The following PPP4R4 variants were observed in gnomAD, a reference collection of about 807,000 sequenced individuals.
The protein encoded by PPP4R4 is protein phosphatase 4 regulatory subunit 4.
A neutral mutation model predicts 121.8 loss-of-function variants in PPP4R4; 70 were observed. The observed-to-expected ratio is 0.57, with a 90% confidence interval of 0.47 to 0.70. The LOEUF is 0.70. Among genes scored for constraint, PPP4R4 ranks in the 30% least tolerant of loss-of-function variants. The pLI is 0.00. For missense variants in PPP4R4, 875 were observed against 1,033.6 expected, an observed-to-expected ratio of 0.85 and a Z score of 2.10; for synonymous variants, 348 against 355.7, an observed-to-expected ratio of 0.98 and a Z score of 0.24.
At chr14:94,248,930 T>C (rs1893036397) in intron 14 of PPP4R4, among the ~76,000 whole-genome samples, 1 of 151,948 alleles carries the variant, frequency 6.6e-6, no homozygotes, top group Non-Finnish European at 1.5e-5. Context: ...TAATGTTGAC[T>C]CTCTTTTAGA....
At chr14:94,218,024 A>C (rs1404795738) in intron 3 of PPP4R4, among the ~76,000 whole-genome samples, 1 of 152,218 alleles carries the variant, frequency 6.6e-6, no homozygotes, top group Non-Finnish European at 1.5e-5. Flanking sequence ...GAAATAAAAA[A>C]GATGATATCT....
intron 3 of PPP4R4, among the ~76,000 whole-genome samples, chr14:94,225,655 G>C (rs1167415212): frequency 2.0e-5 from 3 of 152,134 alleles, no homozygotes; most frequent in African/African-American, 7.2e-5. Flanking sequence ...TTGAGCATTT[G>C]AGTGAGTGTA....
At chr14:94,183,273 C>T (rs773117902) in intron 2 of PPP4R4, among the ~76,000 whole-genome samples, 8 of 152,134 alleles carry the variant, frequency 5.3e-5, no homozygotes, top group Admixed American at 2.6e-4. Flanking sequence ...AAATTGCCCA[C>T]GTTGTCATCC....
At chr14:94,244,455 A>G (rs528308843) in intron 11 of PPP4R4, among the ~76,000 whole-genome samples, 180 bp from the exon 12 acceptor site, 1 of 152,344 alleles carries the variant, frequency 6.6e-6, no homozygotes, top group East Asian at 1.9e-4. Flanking sequence ...GTCACGAGGC[A>G]GACTAGAAAG....
intron 2 of PPP4R4, among the ~76,000 whole-genome samples, chr14:94,202,812 A>C (rs1890259382): frequency 6.6e-6 from 1 of 151,812 alleles, no homozygotes; most frequent in Admixed American, 6.6e-5. Context: ...CCCTGTCTCT[A>C]CTAAAAAATA....
At chr14:94,217,657 G>C (rs1465465736) in intron 3 of PPP4R4, among the ~76,000 whole-genome samples, 2 of 152,176 alleles carry the variant, frequency 1.3e-5, no homozygotes, top group East Asian at 3.8e-4. Flanking sequence ...TGGATGTATA[G>C]GGCATTTCAA....
rs1458641259 is a variant in PPP4R4, at chr14:94,279,001, T to C, written c.*358T>C. 1 of 158,182 alleles carries C rather than the reference T, an allele frequency of 6.3e-6. No individual in the cohort carries two copies. The highest frequency in any genetic ancestry group is 1.4e-5 in the Non-Finnish European group (1 of 72,198). 9.8% of individuals were successfully genotyped at this position (158,182 alleles called of 1,614,324 possible). ...ACCAGCCATTTAATTGTTCTAGAGT[T>C]TTAGCATTTAAAAATCGTATGAAAG... On this transcript the variant is annotated 3_prime_UTR_variant, in exon 25 of 25. Transcript: ENST00000304338.
At position 94,176,499 on chromosome 14, in the gene PPP4R4, G is replaced by C. The variant is rs530295437; in HGVS notation, c.191+372G>C. 5.9e-5 allele frequency among the ~76,000 whole-genome samples: 9 copies of C among 152,142 alleles called. No homozygotes were observed. In the South Asian group the frequency reaches 1.9e-3, roughly 32 times the overall value. On this transcript the variant is annotated intron_variant, in intron 2 of 24. Transcript: ENST00000304338. ...TCATTGTAGAGTAGGAACATTATAC[G>C]GGATCTACTATACGGAAAAAAATCC... is the stretch of plus-strand genomic sequence containing the variant.
At position 94,174,504 on chromosome 14, in the gene PPP4R4, T is replaced by G. The variant is rs759776736; in HGVS notation, c.39T>G (p.Ser13Arg). ...CGCCCGCCGCCGCGATGGATTTCAG[T>G]CAGAACAGCCTGTTCGGTTACATGG... ...PPPPAAAMDFSQNSLFGYMED... is the reference protein window; with the variant it reads ...PPPPAAAMDFRQNSLFGYMED... The change falls in exon 1 of 25, where the codon AGT (serine) becomes AGG (arginine). Residue 13 changes from serine (S) to arginine (R), a missense_variant. Transcript: ENST00000304338. 2 of 1,610,960 alleles carry G rather than the reference T, an allele frequency of 1.2e-6. No individual in the cohort carries two copies. Among genetic ancestry groups the G allele is most frequent in the Admixed American group, 3.3e-5 (2 of 59,890 alleles).
At chr14:94,259,920 A>G (rs780703988) in intron 19 of PPP4R4, among the ~76,000 whole-genome samples, 9 of 152,186 alleles carry the variant, frequency 5.9e-5, no homozygotes, top group Admixed American at 2.0e-4. Flanking sequence ...GTAGTAGTCT[A>G]TATTTCGGAT....
chr14:94,187,262 C>T (rs572249910), intron 2 of PPP4R4, among the ~76,000 whole-genome samples: 63 of 151,810 alleles, frequency 4.1e-4, no homozygotes, highest in African/African-American at 1.3e-3. Context: ...GCCAAGATCG[C>T]GCCACTGTAC....
intron 13 of PPP4R4, 118 bp from the exon 14 acceptor site, chr14:94,246,237 GTC>G: frequency 1.4e-6 from 1 of 736,506 alleles, no homozygotes; most frequent in Non-Finnish European, 2.0e-6. Context: ...CAACTAAGAT[GTC>G]TCCTAAACTC....
At chr14:94,214,997 C>A (rs946070427) in intron 3 of PPP4R4, among the ~76,000 whole-genome samples, 24 of 152,158 alleles carry the variant, frequency 1.6e-4, no homozygotes, top group Admixed American at 7.9e-4. Flanking sequence ...AGACTTGGGT[C>A]CTATCCCCAA....
At chr14:94,221,307 A>G (rs1950651) in intron 3 of PPP4R4, among the ~76,000 whole-genome samples, 30,669 of 152,074 alleles carry the variant, frequency 0.2, 3,628 homozygotes, top group East Asian at 0.59. Context: ...ACCTTGGGTT[A>G]GGTAAAAGTT....
At chr14:94,174,976 C>G (rs1207072770) in intron 1 of PPP4R4, among the ~76,000 whole-genome samples, 6 of 96,900 alleles carry the variant, frequency 6.2e-5, no homozygotes, top group East Asian at 2.6e-4. Context: ...TCCTTCCGCC[C>G]CCCCCCCCCA....
intron 7 of PPP4R4, among the ~76,000 whole-genome samples, chr14:94,237,104 A>G (rs995768023): frequency 2.0e-5 from 3 of 152,182 alleles, no homozygotes; most frequent in Non-Finnish European, 4.4e-5. Flanking sequence ...GTGATATATC[A>G]TCTTCTATAT....
At chr14:94,267,428 G>C (rs949754464) in intron 23 of PPP4R4, among the ~76,000 whole-genome samples, 1 of 152,168 alleles carries the variant, frequency 6.6e-6, no homozygotes, top group Non-Finnish European at 1.5e-5. Flanking sequence ...TGTGGCAGGG[G>C]TCAGCACATT....
intron 14 of PPP4R4, among the ~76,000 whole-genome samples, chr14:94,248,301 A>T (rs1180891155): frequency 6.6e-6 from 1 of 152,148 alleles, no homozygotes; most frequent in African/African-American, 2.4e-5. Context: ...CAAGAATGCA[A>T]TCCCAATTTT....
At position 94,198,847 on chromosome 14, in the gene PPP4R4, A is replaced by G. The variant is rs149798884; in HGVS notation, c.192-9617A>G. ...CAATTGCGCATTTATGTTTGGGTCT[A>G]TTTCTGGACTTTCTGTTCTTTTCCA... On this transcript the variant is annotated intron_variant, in intron 2 of 24. Coordinates refer to ENST00000304338, the MANE Select transcript of PPP4R4 (RefSeq NM_058237.2). 8.5e-3 allele frequency among the ~76,000 whole-genome samples: 1,289 copies of G among 152,208 alleles called. 8 individuals carry two copies. Among genetic ancestry groups the G allele is most frequent in the Non-Finnish European group, 0.014 (958 of 67,990 alleles).
Sources: allele counts gnomAD v4.1 joint callset (sites outside exome capture counted in the v4.1 genomes callset), GRCh38; gene constraint gnomAD v4.1.1; transcripts MANE v1.5; gene names NCBI Gene and HGNC (gene_info 2026-07-23, HGNC 2026-07-21).